The following TTC1 variants were observed in gnomAD, a reference collection of about 807,000 sequenced individuals.
TTC1 encodes tetratricopeptide repeat domain 1.
In TTC1, 31 loss-of-function variants were observed where a neutral mutation model predicts 37.6. The observed-to-expected ratio is 0.82, with a 90% CI of 0.62 to 1.11. The LOEUF is 1.11. Ranked by LOEUF, TTC1 falls within the 50% of genes most tolerant of loss-of-function variation. The pLI is 0.00. For synonymous variants in TTC1, 127 were observed against 122.4 expected (o/e 1.04, Z -0.25); for missense variants, 351 against 339.0 (o/e 1.04, Z -0.28).
intron 7 of TTC1, among the ~76,000 whole-genome samples, chr5:160,064,248 C>T (rs1007565471): frequency 5.3e-5 from 8 of 152,144 alleles, no homozygotes; most frequent in African/African-American, 1.9e-4. Context: ...GGATTACAGG[C>T]GTGAGCCACC....
intron 2 of TTC1, among the ~76,000 whole-genome samples, chr5:160,015,367 A>G (rs1756582145): frequency 6.6e-6 from 1 of 151,700 alleles, no homozygotes; most frequent in Non-Finnish European, 1.5e-5. Context: ...CTTCCACCAC[A>G]CCTTGCTAAA....
rs148212186 is a variant in TTC1 at position 160,026,595 on chromosome 5, C to T, written c.331-8545C>T. On this transcript the variant is annotated intron_variant, in intron 2 of 7. Coordinates refer to ENST00000231238, the MANE Select transcript of TTC1 (RefSeq NM_003314.3). ...TCCAGTAATGTATCTTGTCTTAAAG[C>T]CTGTTTTGTCTGATAGCACTTCAGC... Among the ~76,000 whole-genome samples, 13 of 152,278 alleles carry T rather than the reference C, an allele frequency of 8.5e-5. No homozygotes were observed. In the East Asian group the frequency reaches 2.5e-3, roughly 29 times the overall value.
intron 4 of TTC1, among the ~76,000 whole-genome samples, 186 bp downstream of exon 4, chr5:160,036,989 A>G (rs920197849): frequency 2.0e-5 from 3 of 152,202 alleles, no homozygotes; most frequent in African/African-American, 7.2e-5. Flanking sequence ...ATTACTGTTA[A>G]CATTCCCCAT....
At chr5:160,028,308 A>G (rs930473803) in intron 2 of TTC1, among the ~76,000 whole-genome samples, 3 of 151,898 alleles carry the variant, frequency 2.0e-5, no homozygotes, top group Non-Finnish European at 4.4e-5. Context: ...CAAAAAAAAA[A>G]AAAAAAAAAG....
chr5:160,033,165 G>A (rs556312259), intron 2 of TTC1, among the ~76,000 whole-genome samples: 4 of 152,178 alleles, frequency 2.6e-5, no homozygotes, highest in Admixed American at 2.0e-4. Flanking sequence ...AATCAATACA[G>A]TAGAGATCAT....
intron 2 of TTC1, among the ~76,000 whole-genome samples, chr5:160,027,449 T>C (rs1756827368): frequency 6.6e-6 from 1 of 152,264 alleles, no homozygotes; most frequent in Non-Finnish European, 1.5e-5. Flanking sequence ...TTTATCAATA[T>C]ATGTTGTAAA....
At chr5:160,041,293 G>GTATGTATTA (rs1757088369) in intron 4 of TTC1, among the ~76,000 whole-genome samples, 1 of 149,570 alleles carries the variant, frequency 6.7e-6, no homozygotes, top group Non-Finnish European at 1.5e-5. Flanking sequence ...CAAGTATTAT[G>GTATGTATTA]TATGTATTAT....
At chr5:160,010,089 T>C (rs1452197901) in intron 1 of TTC1, among the ~76,000 whole-genome samples, 1 of 152,022 alleles carries the variant, frequency 6.6e-6, no homozygotes, top group Non-Finnish European at 1.5e-5. Context: ...ACGGCTTCTT[T>C]TGTTGCTTTT....
rs1325037552 is a variant in TTC1, at chr5:160,051,950, T to G, written c.745+767T>G. The stretch of plus-strand genomic sequence containing the variant: ...ATGTGGCCCTAAAGGAAAAATCATT[T>G]AAAATAAATTGAGCCTGTCTGGCAT... On this transcript the variant is annotated intron_variant, in intron 7 of 7. Coordinates refer to ENST00000231238, the MANE Select transcript of TTC1 (RefSeq NM_003314.3). Among the ~76,000 whole-genome samples, 3 of 152,368 alleles carry G rather than the reference T, an allele frequency of 2.0e-5. No individual in the cohort carries two copies. In the East Asian group the frequency reaches 5.8e-4, roughly 29 times the overall value.
intron 1 of TTC1, among the ~76,000 whole-genome samples, chr5:160,010,082 G>T (rs946190255): frequency 6.6e-6 from 1 of 151,972 alleles, no homozygotes; most frequent in Non-Finnish European, 1.5e-5. Flanking sequence ...ATTAAAAACG[G>T]CTTCTTTTGT....
intron 7 of TTC1, among the ~76,000 whole-genome samples, chr5:160,052,899 A>C (rs922497741): frequency 7.9e-5 from 12 of 152,198 alleles, no homozygotes; most frequent in African/African-American, 2.9e-4. Flanking sequence ...CTGCCATTAG[A>C]CTTAACCAAC....
At chr5:160,048,126 CTTTTTTTT>C (rs56201199) in intron 5 of TTC1, among the ~76,000 whole-genome samples, 54 of 35,562 alleles carry the variant, frequency 1.5e-3, no homozygotes, top group African/African-American at 2.4e-3. Flanking sequence ...CAAGACATTG[CTTTTTTTT>C]TTTTTTTTTT....
At chr5:160,056,571 A>C (rs1411377723) in intron 7 of TTC1, among the ~76,000 whole-genome samples, 1 of 152,124 alleles carries the variant, frequency 6.6e-6, no homozygotes. Flanking sequence ...AAAAAAATAA[A>C]AAATTAGCCC....
chr5:160,043,203 A>G (rs773111040), intron 5 of TTC1, 34 bp downstream of exon 5: 12 of 1,611,364 alleles, frequency 7.4e-6, no homozygotes, highest in Non-Finnish European at 9.3e-6. Flanking sequence ...ATGTTAACAT[A>G]CAGGAGCATT....
At chr5:160,064,603 C>T (rs557469731) in intron 7 of TTC1, among the ~76,000 whole-genome samples, 1 of 152,252 alleles carries the variant, frequency 6.6e-6, no homozygotes, top group South Asian at 2.1e-4. Flanking sequence ...GTTGGTTTTC[C>T]CAGAACTCAC....
Position 160,022,170 on chromosome 5 carries a change from T to G in TTC1, c.330+11312T>G, listed in dbSNP as rs193088960. 6.6e-4 allele frequency among the ~76,000 whole-genome samples: 100 copies of G among 152,286 alleles called. 1 individual carries two copies. Among genetic ancestry groups the G allele is most frequent in the African/African-American group, 2.4e-3 (98 of 41,552 alleles). On this transcript the variant is annotated intron_variant, in intron 2 of 7. Transcript: ENST00000231238. ...ATTTTTTAAATGTATTTCATGCAAGTTTTTAACTATTTAATAATGATAGAT... is the reference window on the plus strand; with the variant it reads ...ATTTTTTAAATGTATTTCATGCAAGGTTTTAACTATTTAATAATGATAGAT...
At chr5:160,056,747 A>G (rs187068755) in intron 7 of TTC1, among the ~76,000 whole-genome samples, 10 of 152,208 alleles carry the variant, frequency 6.6e-5, no homozygotes, top group South Asian at 4.1e-4. Flanking sequence ...TATATATATC[A>G]TCTTGTATGA....
At chr5:160,033,762 C>T (rs1378727787) in intron 2 of TTC1, among the ~76,000 whole-genome samples, 1 of 152,190 alleles carries the variant, frequency 6.6e-6, no homozygotes, top group Non-Finnish European at 1.5e-5. Context: ...AGGGTCCGTC[C>T]CTTGACCCGT....
chr5:160,024,859 G>A (rs1756773582), intron 2 of TTC1, among the ~76,000 whole-genome samples: 1 of 151,938 alleles, frequency 6.6e-6, no homozygotes, highest in Admixed American at 6.6e-5. Flanking sequence ...TTTGAAACCA[G>A]GTCTTGCTCT....
Sources: allele counts gnomAD v4.1 joint callset (sites outside exome capture counted in the v4.1 genomes callset), GRCh38; gene constraint gnomAD v4.1.1; transcripts MANE v1.5; gene names NCBI Gene and HGNC (gene_info 2026-07-23, HGNC 2026-07-21).